Variants in PLXNA4 observed in about 807,000 individuals in gnomAD.
PLXNA4 encodes plexin A4, also known as plexin-A4.
A neutral mutation model predicts 191.8 loss-of-function variants in PLXNA4; 44 were observed. The observed-to-expected ratio is 0.23, with a 90% confidence interval of 0.18 to 0.29. The LOEUF is 0.29. PLXNA4 is among the 10% of genes least tolerant of loss of function. The pLI is 1.00. For missense variants in PLXNA4, 1,800 were observed against 2,488.8 expected (o/e 0.72, Z 5.89); for synonymous variants, 1,082 against 1,009.5 (o/e 1.07, Z -1.36).
intron 14 of PLXNA4, among the ~76,000 whole-genome samples, chr7:132,188,489 A>C (rs1584815808): frequency 6.6e-6 from 1 of 152,234 alleles, no homozygotes; most frequent in East Asian, 1.9e-4. Context: ...GCAGGCTGAC[A>C]ACCTCCCCTT....
chr7:132,505,485 G>A (rs199762656), intron 2 of PLXNA4, among the ~76,000 whole-genome samples: 2 of 144,950 alleles, frequency 1.4e-5, no homozygotes, highest in African/African-American at 4.9e-5. Context: ...ACTTGTTGTT[G>A]TTTAGTAAGT....
At chr7:132,274,854 T>C (rs187616670) in intron 4 of PLXNA4, among the ~76,000 whole-genome samples, 61 of 145,972 alleles carry the variant, frequency 4.2e-4, no homozygotes, top group Middle Eastern at 7.1e-3. Flanking sequence ...CTAATCCTCC[T>C]ACTTTAGCCT....
At chr7:132,247,412 A>T (rs1799097721) in intron 4 of PLXNA4, among the ~76,000 whole-genome samples, 1 of 152,166 alleles carries the variant, frequency 6.6e-6, no homozygotes, top group South Asian at 2.1e-4. Flanking sequence ...AAAAAGAAAG[A>T]AAAAAAGAGG....
intron 3 of PLXNA4, among the ~76,000 whole-genome samples, chr7:132,399,577 G>A (rs926219868): frequency 6.6e-6 from 1 of 152,194 alleles, no homozygotes; most frequent in Non-Finnish European, 1.5e-5. Context: ...AGTGCAGTCT[G>A]GGAAGAGTGT....
At chr7:132,139,804 G>A (rs1795212218) in intron 30 of PLXNA4, among the ~76,000 whole-genome samples, 1 of 152,192 alleles carries the variant, frequency 6.6e-6, no homozygotes, top group African/African-American at 2.4e-5. Flanking sequence ...TAGCCATTCT[G>A]CATGTATATT....
intron 14 of PLXNA4, among the ~76,000 whole-genome samples, chr7:132,188,973 GGAAAGGAAAGGAAAGGA>G (rs1796972723): frequency 1.7e-5 from 1 of 57,404 alleles, no homozygotes; most frequent in African/African-American, 7.6e-5. Flanking sequence ...GGAAAGGAAA[GGAAAGGAAAGGAAAGGA>G]AAGGAGAGAG....
At chr7:132,357,627 T>C (rs1276124935) in intron 3 of PLXNA4, among the ~76,000 whole-genome samples, 1 of 152,170 alleles carries the variant, frequency 6.6e-6, no homozygotes, top group East Asian at 1.9e-4. Flanking sequence ...TGACATCCCA[T>C]CTCAAGCATG....
chr7:132,130,953 G>A (rs1042748728), intron 31 of PLXNA4, among the ~76,000 whole-genome samples: 8 of 152,328 alleles, frequency 5.3e-5, no homozygotes, highest in East Asian at 3.9e-4. Context: ...ATGGAAATGC[G>A]TAGTGCTCAG....
chr7:132,592,627 C>T (rs1455549638), intron 2 of PLXNA4, among the ~76,000 whole-genome samples: 1 of 151,324 alleles, frequency 6.6e-6, no homozygotes. Flanking sequence ...AACGAGCTGC[C>T]GATAAAGGAA....
intron 2 of PLXNA4, among the ~76,000 whole-genome samples, chr7:132,625,335 T>C (rs1267340190): frequency 2.6e-5 from 4 of 152,182 alleles, no homozygotes. Flanking sequence ...ACTCTGCTCT[T>C]CTGACATTTG....
intron 2 of PLXNA4, among the ~76,000 whole-genome samples, chr7:132,644,673 C>T (rs1458387164): frequency 6.6e-6 from 1 of 152,052 alleles, no homozygotes; most frequent in Non-Finnish European, 1.5e-5. Context: ...GTAATTCCTT[C>T]GTGATATATT....
intron 3 of PLXNA4, among the ~76,000 whole-genome samples, chr7:132,323,843 C>T (rs1311322740): frequency 6.6e-6 from 1 of 152,074 alleles, no homozygotes; most frequent in Non-Finnish European, 1.5e-5. Flanking sequence ...GATACACCAC[C>T]CTCTGTGCCT....
chr7:132,266,260 C>T (rs903755980), intron 4 of PLXNA4: 1 of 152,194 alleles, frequency 6.6e-6, no homozygotes, highest in Non-Finnish European at 1.5e-5. Context: ...TTTTTCCAGC[C>T]TGCTAGCCAG....
intron 24 of PLXNA4, among the ~76,000 whole-genome samples, chr7:132,163,452 C>T (rs1293645443): frequency 1.3e-5 from 2 of 152,206 alleles, no homozygotes; most frequent in Non-Finnish European, 2.9e-5. Flanking sequence ...GACCCAAATT[C>T]AGAGAGATTA....
intron 2 of PLXNA4, among the ~76,000 whole-genome samples, chr7:132,630,164 A>AAAG (rs998757427): frequency 1.3e-5 from 2 of 152,114 alleles, no homozygotes; most frequent in African/African-American, 4.8e-5. Context: ...GTCTCTTCTT[A>AAAG]TAAGGCCAGT....
At chr7:132,132,956 T>C (rs1688596375) in intron 31 of PLXNA4, 93 bp downstream of exon 31, 1 of 1,518,102 alleles carries the variant, frequency 6.6e-7, no homozygotes, top group African/African-American at 1.4e-5. Context: ...TGGATGTGTC[T>C]GTGGCGATGA....
rs746652251 is a variant in PLXNA4, at chr7:132,635,577, T to C, written c.-87+10351A>G. Among the ~76,000 whole-genome samples the C allele has an allele frequency of 2.4e-4, 37 of 152,264 alleles. 1 individual carries two copies. Among genetic ancestry groups the C allele is most frequent in the Admixed American group, 1.8e-3 (27 of 15,298 alleles). On this transcript the variant is annotated intron_variant, in intron 2 of 4. Coordinates refer to the PLXNA4 transcript ENST00000378539. ...GAGCTGACATTGCTAAGAGGTTTCCTGGAGGACTGAAGAGGAAGAAATGCC... is the reference window on the plus strand; with the variant it reads ...GAGCTGACATTGCTAAGAGGTTTCCCGGAGGACTGAAGAGGAAGAAATGCC...
At chr7:132,256,483 G>A (rs1178580727) in intron 4 of PLXNA4, among the ~76,000 whole-genome samples, 1 of 152,126 alleles carries the variant, frequency 6.6e-6, no homozygotes, top group Non-Finnish European at 1.5e-5. Context: ...GCTGAGTTGT[G>A]GGCCACCCCT....
intron 1 of PLXNA4, among the ~76,000 whole-genome samples, chr7:132,574,710 C>A (rs1364516378): frequency 1.3e-5 from 2 of 152,330 alleles, no homozygotes; most frequent in Non-Finnish European, 2.9e-5. Context: ...AGCGGGAATA[C>A]AATCTCCCTC....
Sources: allele counts gnomAD v4.1 joint callset (sites outside exome capture counted in the v4.1 genomes callset), GRCh38; gene constraint gnomAD v4.1.1; transcripts MANE v1.5; gene names NCBI Gene and HGNC (gene_info 2026-07-23, HGNC 2026-07-21).